The following KIAA1217 variants were observed in gnomAD, a reference collection of about 807,000 sequenced individuals.
KIAA1217 encodes sickle tail protein homolog.
Under a neutral mutation model 163.9 loss-of-function variants are expected in KIAA1217, and 88 were observed. The observed-to-expected ratio is 0.54, with a 90% confidence interval of 0.45 to 0.64. KIAA1217 has a LOEUF of 0.64. KIAA1217 is among the 30% of genes least tolerant of loss of function. The pLI is 0.00. For missense variants in KIAA1217, 2,372 were observed against 2,475.0 expected (o/e 0.96, Z 0.88); for synonymous variants, 903 against 923.1 (o/e 0.98, Z 0.39).
chr10:24,350,983 G>A (rs78588515), intron 2 of KIAA1217, among the ~76,000 whole-genome samples: 6,909 of 151,884 alleles, frequency 0.045, 509 homozygotes, highest in African/African-American at 0.16. Context: ...GTCTCATTCC[G>A]TCACCAAGGT....
upstream of KIAA1217, among the ~76,000 whole-genome samples, chr10:24,206,429 A>G (rs1417348593): frequency 1.3e-5 from 2 of 152,212 alleles, no homozygotes. Flanking sequence ...CGGAGTTACC[A>G]GGTTTATATA....
chr10:24,367,115 A>G lies in KIAA1217; in HGVS notation c.355-13754A>G, dbSNP rs984053310. ...TTTTTTTCTTGTTTTCTCCTGGTCC[A>G]CAGGCTTTGAAGGGCATGCTGATCT... On this transcript the variant is annotated intron_variant, in intron 2 of 20. Transcript: ENST00000376454. 4 of 984,242 alleles carry G rather than the reference A, an allele frequency of 4.1e-6. No individual in the cohort carries two copies. The African/African-American group carries it at 7.0e-5, about 17-fold the overall frequency. The allele number at this position is 984,242 out of a possible 1,614,324, so 61.0% of individuals were successfully genotyped here.
intron 2 of KIAA1217, among the ~76,000 whole-genome samples, chr10:24,141,237 C>A (rs74921424): frequency 1.5e-5 from 2 of 132,142 alleles, no homozygotes; most frequent in African/African-American, 2.8e-5. Context: ...CCCCCCCCCC[C>A]ATTTCTCTCT....
At chr10:23,761,456 CT>C (rs955457849) in intron 1 of KIAA1217, among the ~76,000 whole-genome samples, 7 of 152,080 alleles carry the variant, frequency 4.6e-5, no homozygotes, top group Non-Finnish European at 8.8e-5. Flanking sequence ...TACATTGTCT[CT>C]TTTTTCTCCT....
chr10:24,540,265 GCT>G (rs2074819268), intron 17 of KIAA1217, among the ~76,000 whole-genome samples: 1 of 152,090 alleles, frequency 6.6e-6, no homozygotes, highest in Non-Finnish European at 1.5e-5. Context: ...ACCGAGTCTC[GCT>G]CTCTCGCCCA....
intron 2 of KIAA1217, among the ~76,000 whole-genome samples, chr10:24,354,301 T>C (rs1472367513): frequency 6.6e-6 from 1 of 152,194 alleles, no homozygotes; most frequent in Admixed American, 6.5e-5. Context: ...CTAGTCTATC[T>C]GGCCACCTAG....
chr10:24,446,268 A>G lies in KIAA1217; in HGVS notation c.846+7789A>G, dbSNP rs560213384. 7.2e-5 allele frequency among the ~76,000 whole-genome samples: 11 copies of G among 152,144 alleles called. 1 individual carries two copies. The South Asian group carries it at 2.3e-3, about 32-fold the overall frequency. On this transcript the variant is annotated intron_variant, in intron 5 of 20. Transcript: ENST00000376454. ...GTAAATTTGTTTGAGTTCATTGTAG[A>G]TTCTGGATATTAGCACTTTGTCAGA...
chr10:23,744,012 A>C (rs1839265799), intron 1 of KIAA1217, among the ~76,000 whole-genome samples: 1 of 152,168 alleles, frequency 6.6e-6, no homozygotes, highest in African/African-American at 2.4e-5. Flanking sequence ...CTGGAAGGAG[A>C]GATAGTTTTC....
At position 24,546,180 on chromosome 10, in the gene KIAA1217, C is replaced by T. The variant is rs1235502491; in HGVS notation, c.5688C>T (p.Ser1896=). 1 of 1,614,146 alleles carries T rather than the reference C, an allele frequency of 6.2e-7. No individual in the cohort carries two copies. Among genetic ancestry groups the T allele is most frequent in the Non-Finnish European group, 8.5e-7 (1 of 1,180,036 alleles). The change falls in exon 21 of 21, where the codon TCC becomes TCT. Residue 1896 remains serine, a synonymous_variant. Coordinates refer to ENST00000376454, the MANE Select transcript of KIAA1217 (RefSeq NM_019590.5). ...RAPPPLSFSS[S]PPSPASSVSL... ...CCCCTCCTTTGTCATTTTCCTCCTCCCCTCCTTCTCCTGCCTCCTCCGTCT... is the reference window on the plus strand; with the variant it reads ...CCCCTCCTTTGTCATTTTCCTCCTCTCCTCCTTCTCCTGCCTCCTCCGTCT...
In KIAA1217 at chr10:24,191,267, A is replaced by G. The variant is rs532696256; in HGVS notation, c.-170-28359A>G. Reference sequence around the variant, plus strand: ...AGTTTTACTCTATTTAATGTGATTTAAAGACCTGCATTCCTGACTATTAAT... The same window carrying G: ...AGTTTTACTCTATTTAATGTGATTTGAAGACCTGCATTCCTGACTATTAAT... On this transcript the variant is annotated intron_variant, in intron 2 of 18. Transcript: ENST00000376462. 2.0e-4 allele frequency among the ~76,000 whole-genome samples: 30 copies of G among 152,332 alleles called. No homozygotes were observed. The South Asian group carries it at 6.2e-3, about 32-fold the overall frequency.
intron 6 of KIAA1217, among the ~76,000 whole-genome samples, chr10:24,475,740 C>G (rs1012778010): frequency 2.0e-5 from 3 of 152,178 alleles, no homozygotes; most frequent in African/African-American, 7.2e-5. Flanking sequence ...GATAAACACT[C>G]ATAGTGGTTC....
intron 1 of KIAA1217, among the ~76,000 whole-genome samples, chr10:23,832,256 T>A (rs529898945): frequency 8.5e-5 from 13 of 152,306 alleles, no homozygotes; most frequent in Admixed American, 7.2e-4. Flanking sequence ...GGAAACACAA[T>A]TACTGGTCTA....
intron 2 of KIAA1217, among the ~76,000 whole-genome samples, chr10:24,195,415 GT>G (rs1465247234): frequency 6.6e-6 from 1 of 152,138 alleles, no homozygotes; most frequent in Admixed American, 6.5e-5. Context: ...GACTCTGCAG[GT>G]TGCCCAAGAC....
intron 2 of KIAA1217, among the ~76,000 whole-genome samples, chr10:24,022,590 C>G (rs989639565): frequency 6.6e-6 from 1 of 151,704 alleles, no homozygotes; most frequent in Non-Finnish European, 1.5e-5. Flanking sequence ...ACTATATGAT[C>G]CAGCAATCCC....
intron 2 of KIAA1217, among the ~76,000 whole-genome samples, chr10:24,225,020 GT>G (rs769954496): frequency 7.2e-5 from 11 of 151,980 alleles, no homozygotes; most frequent in African/African-American, 2.4e-4. Flanking sequence ...TAGAGACGGG[GT>G]TCACTGTGTT....
chr10:24,069,784 C>T (rs1160805745), intron 2 of KIAA1217, among the ~76,000 whole-genome samples: 3 of 152,188 alleles, frequency 2.0e-5, no homozygotes, highest in Non-Finnish European at 4.4e-5. Flanking sequence ...CCTATACTGT[C>T]ATCTTACTGA....
chr10:24,207,282 T>TCTCTCTCACA (rs529791287), upstream of KIAA1217, among the ~76,000 whole-genome samples: 704 of 140,216 alleles, frequency 5.0e-3, 6 homozygotes, highest in African/African-American at 0.019. Flanking sequence ...TCTCTCTCTC[T>TCTCTCTCACA]CACACACACA....
chr10:23,986,261 T>G (rs1328496316), intron 1 of KIAA1217, among the ~76,000 whole-genome samples: 1 of 152,214 alleles, frequency 6.6e-6, no homozygotes, highest in Non-Finnish European at 1.5e-5. Flanking sequence ...TCTATGACCA[T>G]GAATTGGAGA....
At chr10:24,263,686 T>C (rs1429432397) in intron 2 of KIAA1217, among the ~76,000 whole-genome samples, 1 of 152,176 alleles carries the variant, frequency 6.6e-6, no homozygotes, top group Admixed American at 6.5e-5. Context: ...AGACCAGTAT[T>C]GTTTCTGACT....
Sources: allele counts gnomAD v4.1 joint callset (sites outside exome capture counted in the v4.1 genomes callset), GRCh38; gene constraint gnomAD v4.1.1; transcripts MANE v1.5; gene names NCBI Gene and HGNC (gene_info 2026-07-23, HGNC 2026-07-21).